ZFHX3: variants seen among roughly 807,000 people sequenced by gnomAD.
The protein encoded by ZFHX3 is zinc finger homeobox 3.
In ZFHX3, 42 loss-of-function variants were observed where a neutral mutation model predicts 279.1. The observed-to-expected ratio is 0.15, with a 90% CI of 0.12 to 0.19. The LOEUF (loss-of-function observed/expected upper bound fraction) is 0.19. Among genes scored for constraint, ZFHX3 ranks in the 10% least tolerant of loss-of-function variants. The probability of loss-of-function intolerance (pLI) is 1.00; values close to 1 mark genes in which losing one functional copy is unlikely to be tolerated. For missense variants in ZFHX3, 4,981 were observed against 4,754.0 expected (o/e 1.05, Z -1.40); for synonymous variants, 2,293 against 1,957.8 (o/e 1.17, Z -4.52).
chr16:73,032,133 C>T (rs896138712), intron 1 of ZFHX3, among the ~76,000 whole-genome samples: 9 of 151,980 alleles, frequency 5.9e-5, no homozygotes, highest in African/African-American at 2.2e-4. Flanking sequence ...CCTGTCTCTA[C>T]AAAAAATTAA....
intron 5 of ZFHX3, among the ~76,000 whole-genome samples, chr16:73,215,887 G>C (rs889397925): frequency 6.6e-6 from 1 of 152,140 alleles, no homozygotes. Context: ...ACGTGTGTGT[G>C]TGTGCGTGTG....
At chr16:73,081,787 T>A (rs1965948873) in intron 8 of ZFHX3, 1 of 152,210 alleles carries the variant, frequency 6.6e-6, no homozygotes, top group Non-Finnish European at 1.5e-5. Flanking sequence ...TTATGGCACT[T>A]ATGTCATAGG....
intron 4 of ZFHX3, among the ~76,000 whole-genome samples, chr16:72,874,874 T>C (rs987472277): frequency 1.3e-5 from 2 of 152,220 alleles, no homozygotes; most frequent in Admixed American, 6.5e-5. Context: ...AACCTTTTTT[T>C]CCCCCACCTT....
At chr16:73,403,954 C>T (rs1198389425) in intron 3 of ZFHX3, among the ~76,000 whole-genome samples, 3 of 150,920 alleles carry the variant, frequency 2.0e-5, no homozygotes, top group Non-Finnish European at 3.0e-5. Flanking sequence ...TTTTTTTTTT[C>T]CAGGCGAAAA....
At chr16:73,030,615 G>T (rs1954999946) in intron 1 of ZFHX3, among the ~76,000 whole-genome samples, 1 of 151,368 alleles carries the variant, frequency 6.6e-6, no homozygotes, top group Admixed American at 6.6e-5. Flanking sequence ...GAAGTCAGAA[G>T]ATATTGTTTG....
At chr16:73,350,883 C>T (rs1310975456) in intron 3 of ZFHX3, among the ~76,000 whole-genome samples, 1 of 152,170 alleles carries the variant, frequency 6.6e-6, no homozygotes, top group Non-Finnish European at 1.5e-5. Flanking sequence ...ATCCCAGAGC[C>T]TGAGTTCTGC....
At position 72,922,229 on chromosome 16, in the gene ZFHX3, C is replaced by T. The variant is rs78025081; in HGVS notation, c.3216+28240G>A. On this transcript the variant is annotated intron_variant, in intron 3 of 9. Coordinates refer to ENST00000268489, the MANE Select transcript of ZFHX3 (RefSeq NM_006885.4). The stretch of plus-strand genomic sequence containing the variant: ...TACCCTATCTTTACTCCTCTCTTTG[C>T]ACCCAATTCCTCCTTGCAGTTACTG... 4.8e-3 allele frequency among the ~76,000 whole-genome samples: 727 copies of T among 152,292 alleles called. 5 individuals carry two copies. The highest frequency in any genetic ancestry group is 0.016 in the African/African-American group (651 of 41,550).
At chr16:73,690,631 G>C (rs1272453402) in intron 1 of ZFHX3, among the ~76,000 whole-genome samples, 1 of 152,218 alleles carries the variant, frequency 6.6e-6, no homozygotes, top group Non-Finnish European at 1.5e-5. Flanking sequence ...ATCTGGGCAT[G>C]ACCATGCAAC....
At chr16:72,976,015 G>A (rs1429924384) in intron 1 of ZFHX3, among the ~76,000 whole-genome samples, 3 of 152,148 alleles carry the variant, frequency 2.0e-5, no homozygotes, top group African/African-American at 7.2e-5. Flanking sequence ...TGGTCCCAGG[G>A]GAGAAATTGC....
intron 2 of ZFHX3, among the ~76,000 whole-genome samples, chr16:73,634,929 T>G (rs551000366): frequency 6.6e-6 from 1 of 152,254 alleles, no homozygotes; most frequent in East Asian, 1.9e-4. Context: ...AAATTACTTC[T>G]AAGTAAAAAA....
intron 5 of ZFHX3, among the ~76,000 whole-genome samples, chr16:73,151,879 CAAAA>C (rs58576284): frequency 5.8e-5 from 7 of 120,594 alleles, no homozygotes; most frequent in Admixed American, 2.8e-4. Context: ...ATGCAAAAAA[CAAAA>C]AAAAAAAAAA....
intron 1 of ZFHX3, among the ~76,000 whole-genome samples, chr16:73,700,744 C>G (rs1052091766): frequency 2.6e-5 from 4 of 152,140 alleles, no homozygotes; most frequent in African/African-American, 9.7e-5. Context: ...AATCAAGGTT[C>G]TAGGGAAATA....
intron 1 of ZFHX3, among the ~76,000 whole-genome samples, chr16:73,689,304 C>T (rs2053123048): frequency 1.3e-5 from 2 of 152,190 alleles, no homozygotes; most frequent in Admixed American, 6.5e-5. Context: ...TAGGAAGCCC[C>T]CAAATTTCTA....
chr16:73,319,855 G>C (rs1053464438), intron 3 of ZFHX3, among the ~76,000 whole-genome samples: 1 of 152,218 alleles, frequency 6.6e-6, no homozygotes, highest in Non-Finnish European at 1.5e-5. Flanking sequence ...CAGAGAGAAA[G>C]GTCCAGTCCT....
chr16:73,256,325 T>C (rs866607930), intron 5 of ZFHX3, among the ~76,000 whole-genome samples: 4 of 152,162 alleles, frequency 2.6e-5, no homozygotes, highest in African/African-American at 9.7e-5. Flanking sequence ...TTTCTACAAA[T>C]AGAAGATGAT....
chr16:73,646,736 AAAAT>A (rs2052621522), intron 2 of ZFHX3, among the ~76,000 whole-genome samples: 1 of 152,220 alleles, frequency 6.6e-6, no homozygotes, highest in South Asian at 2.1e-4. Flanking sequence ...ATTGTCTAAG[AAAAT>A]AAATACATTT....
chr16:73,823,256 AG>A (rs757610378), intron 1 of ZFHX3, among the ~76,000 whole-genome samples: 2 of 152,144 alleles, frequency 1.3e-5, no homozygotes, highest in Non-Finnish European at 2.9e-5. Context: ...AGAGAGAAAT[AG>A]GGGGAAGGAG....
At chr16:73,629,688 C>T (rs969460850) in intron 2 of ZFHX3, among the ~76,000 whole-genome samples, 5 of 151,916 alleles carry the variant, frequency 3.3e-5, no homozygotes, top group Non-Finnish European at 5.9e-5. Context: ...GAGGAAAAAA[C>T]CCTATAGCAT....
chr16:73,714,170 A>C (rs1417515190), intron 1 of ZFHX3, among the ~76,000 whole-genome samples: 1 of 152,186 alleles, frequency 6.6e-6, no homozygotes, highest in African/African-American at 2.4e-5. Flanking sequence ...CCACATCAGT[A>C]GGTTTTAAAA....
Sources: gnomAD v4.1 joint callset for allele counts (sites outside exome capture counted in the v4.1 genomes callset) on GRCh38, gnomAD v4.1.1 for gene constraint, MANE v1.5 for transcripts, NCBI Gene and HGNC (gene_info 2026-07-23, HGNC 2026-07-21) for gene names.